Variants in PLPPR4 observed in about 807,000 individuals in gnomAD.
The protein encoded by PLPPR4 is phospholipid phosphatase-related protein type 4.
A neutral mutation model predicts 56.6 loss-of-function variants in PLPPR4; 24 were observed. The observed-to-expected ratio is 0.42, with a 90% confidence interval of 0.31 to 0.60. PLPPR4 has a LOEUF of 0.60. Among genes scored for constraint, PLPPR4 ranks in the 20% least tolerant of loss-of-function variants. The probability of loss-of-function intolerance (pLI) is 0.13; values close to 1 mark genes in which losing one functional copy is unlikely to be tolerated. For missense variants in PLPPR4, 654 were observed against 885.8 expected (o/e 0.74, Z 3.32); for synonymous variants, 326 against 328.1 (o/e 0.99, Z 0.07).
intron 1 of PLPPR4, among the ~76,000 whole-genome samples, chr1:99,269,995 TTTTGTGTGTGTG>T (rs1415634075): frequency 8.7e-5 from 11 of 125,716 alleles, no homozygotes; most frequent in African/African-American, 3.5e-4. Flanking sequence ...TTTTCATTCC[TTTTGTGTGTGTG>T]TGTGTGTGTG....
At chr1:99,276,215 ATG>A (rs1267992630) in intron 1 of PLPPR4, among the ~76,000 whole-genome samples, 1 of 152,130 alleles carries the variant, frequency 6.6e-6, no homozygotes. Context: ...GTGTATAAAG[ATG>A]TGTATGTAGG....
chr1:99,305,989 C>G lies in PLPPR4; in HGVS notation c.1127C>G (p.Ser376Cys), dbSNP rs1314659181. Residue 376 changes from serine to cysteine, a missense_variant, in exon 7 of 7, where the codon TCT becomes TGT. Coordinates refer to ENST00000370185, the MANE Select transcript of PLPPR4 (RefSeq NM_014839.5). ...SNTLPRANTP[S>C]VEDPVRRNAS... ...ACCTTGCCGCGAGCCAATACCCCAT[C>G]TGTAGAAGACCCTGTCAGAAGAAAT... is the stretch of plus-strand genomic sequence containing the variant. 47 of 1,614,054 alleles carry G rather than the reference C, an allele frequency of 2.9e-5. No homozygotes were observed. The highest frequency in any genetic ancestry group is 3.9e-5 in the Non-Finnish European group (46 of 1,180,016).
chr1:99,300,250 A>C (rs537518624), intron 4 of PLPPR4, among the ~76,000 whole-genome samples: 2 of 151,978 alleles, frequency 1.3e-5, no homozygotes, highest in African/African-American at 4.8e-5. Context: ...ATTGAAACAA[A>C]TCTCTATTCT....
rs141003656 is a variant in PLPPR4 at position 99,307,481 on chromosome 1, C to T, written c.*471C>T. On this transcript the variant is annotated 3_prime_UTR_variant, in exon 7 of 7. Transcript: ENST00000370185. ...ACGGGTGGTGCTGATTATTATAGTA[C>T]ATATACCATGTAAACTCTCAAACTC... is the stretch of plus-strand genomic sequence containing the variant. The T allele has an allele frequency of 2.1e-4, 34 of 158,870 alleles. No individual in the cohort carries two copies. In the East Asian group the frequency reaches 6.1e-3, roughly 29 times the overall value. The allele number at this position is 158,870 out of a possible 1,614,324, so 9.8% of individuals were successfully genotyped here.
intron 5 of PLPPR4, among the ~76,000 whole-genome samples, chr1:99,301,223 G>A (rs962577271): frequency 6.6e-6 from 1 of 151,822 alleles, no homozygotes; most frequent in African/African-American, 2.4e-5. Flanking sequence ...ATACTTCATA[G>A]GAGGATATTG....
chr1:99,287,315 A>G (rs997856120), intron 1 of PLPPR4, among the ~76,000 whole-genome samples: 1 of 152,016 alleles, frequency 6.6e-6, no homozygotes, highest in Non-Finnish European at 1.5e-5. Flanking sequence ...TGTTGGTTCC[A>G]TGTCTTTGCT....
At chr1:99,296,280 C>G (rs1004607298) in intron 2 of PLPPR4, among the ~76,000 whole-genome samples, 2 of 152,168 alleles carry the variant, frequency 1.3e-5, no homozygotes, top group Non-Finnish European at 2.9e-5. Flanking sequence ...AAAAATTCAG[C>G]TACTCATTTG....
At chr1:99,285,975 T>C (rs1466284595) in intron 1 of PLPPR4, among the ~76,000 whole-genome samples, 1 of 152,160 alleles carries the variant, frequency 6.6e-6, no homozygotes, top group African/African-American at 2.4e-5. Context: ...ACCAAGTCTA[T>C]CTCTTATTCA....
chr1:99,296,907 T>C, intron 3 of PLPPR4, 40 bp downstream of exon 3: 1 of 1,490,652 alleles, frequency 6.7e-7, no homozygotes, highest in Non-Finnish European at 9.0e-7. Flanking sequence ...ATGCTTTTTT[T>C]TTTATATTGA....
chr1:99,301,698 C>G, intron 5 of PLPPR4, 26 bp from the exon 6 acceptor site: 1 of 1,568,024 alleles, frequency 6.4e-7, no homozygotes, highest in African/African-American at 1.4e-5. Flanking sequence ...TTCTAACATA[C>G]TTAACCCATT....
At chr1:99,293,848 C>T (rs1473517045) in intron 2 of PLPPR4, among the ~76,000 whole-genome samples, 2 of 152,030 alleles carry the variant, frequency 1.3e-5, no homozygotes, top group African/African-American at 4.8e-5. Context: ...GGCTAGGGTC[C>T]TTATAGTACT....
chr1:99,289,138 G>GT (rs1391355963), intron 2 of PLPPR4, among the ~76,000 whole-genome samples: 2 of 152,036 alleles, frequency 1.3e-5, no homozygotes, highest in African/African-American at 4.8e-5. Flanking sequence ...AAGGGAAATG[G>GT]TATTTACTTC....
At chr1:99,301,417 G>A (rs1659881247) in intron 5 of PLPPR4, among the ~76,000 whole-genome samples, 1 of 151,954 alleles carries the variant, frequency 6.6e-6, no homozygotes, top group Admixed American at 6.6e-5. Context: ...TTGTACAATA[G>A]TCCGTGAAGT....
In PLPPR4 at chr1:99,273,828, CT is replaced by C. The variant is rs752856110; in HGVS notation, c.78+9161del. ...TGAACATAAATTTTTCTTTAACTGT[CT>C]TTTATCAGCTGGTGGAGACATTTTT... On this transcript the variant is annotated intron_variant, in intron 1 of 6. Transcript: ENST00000370185. Among the ~76,000 whole-genome samples the C allele has an allele frequency of 5.9e-5, 9 of 152,140 alleles. No individual in the cohort carries two copies. The Middle Eastern group carries it at 0.01, about 172-fold the overall frequency.
intron 1 of PLPPR4, among the ~76,000 whole-genome samples, chr1:99,279,387 T>C (rs1659268715): frequency 6.6e-6 from 1 of 152,128 alleles, no homozygotes. Flanking sequence ...AAGACAAAAG[T>C]GAAAATAAAA....
chr1:99,274,857 G>T (rs1364800602), intron 1 of PLPPR4, among the ~76,000 whole-genome samples: 13 of 152,104 alleles, frequency 8.5e-5, no homozygotes, highest in Non-Finnish European at 2.9e-5. Context: ...CTCGTCAGCA[G>T]CAGTGTCTGT....
chr1:99,281,910 A>G (rs1364593678), intron 1 of PLPPR4, among the ~76,000 whole-genome samples: 4 of 152,178 alleles, frequency 2.6e-5, no homozygotes. Context: ...ATGAATATAC[A>G]CAACTATTTT....
In PLPPR4 at chr1:99,307,335, C is replaced by A; in HGVS notation, c.*325C>A. 7.8e-6 allele frequency: 2 copies of A among 255,752 alleles called. No homozygotes were observed. Among genetic ancestry groups the A allele is most frequent in the Non-Finnish European group, 1.5e-5 (2 of 133,526 alleles). 15.8% of individuals were successfully genotyped at this position (255,752 alleles called of 1,614,324 possible). ...ATACTATTTTACTTCCTGAATGTGC[C>A]AACTTTGGGGATTTTTCTTTATAGT... On this transcript the variant is annotated 3_prime_UTR_variant, in exon 7 of 7. Transcript: ENST00000370185.
At chr1:99,284,903 G>A (rs1209633471) in intron 1 of PLPPR4, among the ~76,000 whole-genome samples, 7 of 151,974 alleles carry the variant, frequency 4.6e-5, no homozygotes, top group Admixed American at 3.3e-4. Context: ...TTTTAGTTTG[G>A]GAAGCAAAGC....
Sources: gnomAD v4.1 joint callset for allele counts (sites outside exome capture counted in the v4.1 genomes callset) on GRCh38, gnomAD v4.1.1 for gene constraint, MANE v1.5 for transcripts, NCBI Gene and HGNC (gene_info 2026-07-23, HGNC 2026-07-21) for gene names.